Variants in CHST9 observed in about 807,000 individuals in gnomAD.
CHST9 encodes the protein GalNAc-4-sulfotransferase 2.
Under a neutral mutation model 44.4 loss-of-function variants are expected in CHST9, and 41 were observed. The observed-to-expected ratio is 0.92, with a 90% CI of 0.72 to 1.20. The LOEUF is 1.20. Ranked by LOEUF, CHST9 falls within the 50% of genes most tolerant of loss-of-function variation. The pLI is 0.00. For missense variants in CHST9, 504 were observed against 516.5 expected (o/e 0.98, Z 0.23); for synonymous variants, 171 against 178.4 (o/e 0.96, Z 0.33).
intron 2 of CHST9, among the ~76,000 whole-genome samples, chr18:27,057,944 G>A (rs2143601275): frequency 6.6e-6 from 1 of 152,314 alleles, no homozygotes; most frequent in Non-Finnish European, 1.5e-5. Context: ...TAATTAATGT[G>A]ACAAACAACA....
At chr18:26,993,279 C>T (rs185591611) in intron 4 of CHST9, among the ~76,000 whole-genome samples, 359 of 152,186 alleles carry the variant, frequency 2.4e-3, no homozygotes, top group Middle Eastern at 3.4e-3. Flanking sequence ...CACTTAGGTA[C>T]CATGAGCTTT....
intron 1 of CHST9, among the ~76,000 whole-genome samples, chr18:27,155,538 T>C (rs1272499835): frequency 1.3e-5 from 2 of 152,216 alleles, no homozygotes; most frequent in Non-Finnish European, 2.9e-5. Flanking sequence ...TTATAACTTG[T>C]ACTGGTTGTT....
At chr18:27,159,494 C>T (rs528369000) in intron 1 of CHST9, among the ~76,000 whole-genome samples, 1 of 152,268 alleles carries the variant, frequency 6.6e-6, no homozygotes, top group South Asian at 2.1e-4. Flanking sequence ...CAGTACCATG[C>T]TGTTTTGGTT....
At chr18:27,161,802 T>G (rs2058749389) in intron 1 of CHST9, among the ~76,000 whole-genome samples, 1 of 152,210 alleles carries the variant, frequency 6.6e-6, no homozygotes, top group Admixed American at 6.5e-5. Context: ...CTGTATTGTG[T>G]GCATATATAT....
At chr18:27,080,881 C>T (rs2057953601) in intron 2 of CHST9, among the ~76,000 whole-genome samples, 1 of 152,140 alleles carries the variant, frequency 6.6e-6, no homozygotes, top group South Asian at 2.1e-4. Flanking sequence ...CTATGTTTCA[C>T]TTTAGGCTCC....
intron 4 of CHST9, among the ~76,000 whole-genome samples, chr18:26,982,577 C>T (rs1036195741): frequency 2.0e-5 from 3 of 152,102 alleles, no homozygotes; most frequent in African/African-American, 7.2e-5. Flanking sequence ...ACGGGGGACA[C>T]ACAGTGAATG....
intron 2 of CHST9, among the ~76,000 whole-genome samples, chr18:27,112,663 T>A (rs1393587205): frequency 6.6e-6 from 1 of 151,408 alleles, no homozygotes; most frequent in Non-Finnish European, 1.5e-5. Flanking sequence ...TTCTGTTTTC[T>A]TGGAAAACTT....
intron 2 of CHST9, among the ~76,000 whole-genome samples, chr18:27,081,621 C>G (rs888445596): frequency 2.6e-5 from 4 of 152,104 alleles, no homozygotes; most frequent in Non-Finnish European, 2.9e-5. Context: ...GAACTCACCT[C>G]TTTACATTTA....
chr18:27,174,278 T>C (rs1166592425), intron 1 of CHST9, among the ~76,000 whole-genome samples: 2 of 151,966 alleles, frequency 1.3e-5, no homozygotes, highest in Non-Finnish European at 2.9e-5. Flanking sequence ...TTAATCACAC[T>C]GACATTTTTG....
chr18:27,093,518 G>A (rs1404602316), intron 2 of CHST9, among the ~76,000 whole-genome samples: 1 of 152,220 alleles, frequency 6.6e-6, no homozygotes, highest in African/African-American at 2.4e-5. Flanking sequence ...CGCTAGCAGT[G>A]AGCAAGGCTC....
At chr18:26,951,219 G>A (rs556188398) in intron 4 of CHST9, among the ~76,000 whole-genome samples, 1 of 152,256 alleles carries the variant, frequency 6.6e-6, no homozygotes, top group East Asian at 1.9e-4. Flanking sequence ...GGGTGGGGAA[G>A]GACCTATTTC....
intron 2 of CHST9, among the ~76,000 whole-genome samples, chr18:27,082,231 A>C (rs2057968016): frequency 6.6e-6 from 1 of 152,254 alleles, no homozygotes; most frequent in Non-Finnish European, 1.5e-5. Flanking sequence ...AAAATAACAG[A>C]TATTTGAGAA....
intron 2 of CHST9, among the ~76,000 whole-genome samples, chr18:27,131,785 C>T (rs966555954): frequency 8.5e-5 from 13 of 152,188 alleles, no homozygotes; most frequent in African/African-American, 3.1e-4. Flanking sequence ...GACACACCTG[C>T]AGGCCACTAA....
At chr18:26,921,880 C>G (rs1175554270) in intron 5 of CHST9, among the ~76,000 whole-genome samples, 2 of 152,158 alleles carry the variant, frequency 1.3e-5, no homozygotes. Context: ...CACCCACTCA[C>G]AAAATCTGAG....
At chr18:27,145,595 T>C (rs949876858) in intron 1 of CHST9, among the ~76,000 whole-genome samples, 1 of 152,240 alleles carries the variant, frequency 6.6e-6, no homozygotes, top group Non-Finnish European at 1.5e-5. Context: ...CTGAGTTCTC[T>C]GAGGAAGGGG....
chr18:27,036,920 G>A (rs1448214969), intron 3 of CHST9, among the ~76,000 whole-genome samples: 2 of 152,128 alleles, frequency 1.3e-5, no homozygotes, highest in Non-Finnish European at 2.9e-5. Context: ...AGGAGGAAGT[G>A]GGGAGTTGCT....
chr18:26,931,496 C>T (rs2055876820), intron 5 of CHST9, among the ~76,000 whole-genome samples: 1 of 152,180 alleles, frequency 6.6e-6, no homozygotes, highest in Non-Finnish European at 1.5e-5. Flanking sequence ...AAAAGACTTG[C>T]CCTTCTGGAT....
At chr18:27,051,648 C>G (rs992444426) in intron 2 of CHST9, among the ~76,000 whole-genome samples, 1 of 152,138 alleles carries the variant, frequency 6.6e-6, no homozygotes, top group South Asian at 2.1e-4. Flanking sequence ...CCCAGTCAAG[C>G]CTTCAGCTGA....
intron 2 of CHST9, among the ~76,000 whole-genome samples, chr18:27,087,105 T>C (rs546534764): frequency 6.6e-6 from 1 of 152,328 alleles, no homozygotes; most frequent in Admixed American, 6.5e-5. Context: ...TGTTTTCTAC[T>C]GTATGAATCT....
Sources: gnomAD v4.1 joint callset for allele counts (sites outside exome capture counted in the v4.1 genomes callset) on GRCh38, gnomAD v4.1.1 for gene constraint, MANE v1.5 for transcripts, NCBI Gene and HGNC (gene_info 2026-07-23, HGNC 2026-07-21) for gene names.